Variants in CCDC38 observed in about 807,000 individuals in gnomAD.
The protein encoded by CCDC38 is coiled-coil domain containing 38.
A neutral mutation model predicts 72.8 loss-of-function variants in CCDC38; 69 were observed. The ratio of observed to expected loss-of-function variants is 0.95; its 90% CI spans 0.78 to 1.16. CCDC38 has a LOEUF of 1.16. Among genes scored for constraint, CCDC38 ranks in the 50% most tolerant of loss-of-function variants. CCDC38 has a pLI of 0.00. For missense variants in CCDC38, 626 were observed against 638.9 expected (o/e 0.98, Z 0.22); for synonymous variants, 201 against 213.2 (o/e 0.94, Z 0.50).
intron 10 of CCDC38, chr12:95,885,107 C>G (rs1474251418): frequency 6.6e-6 from 1 of 152,310 alleles, no homozygotes; most frequent in African/African-American, 2.4e-5. Context: ...TCTCCCTGAC[C>G]TCGAGACTAA....
At chr12:95,874,998 C>T (rs774604455) in intron 13 of CCDC38, among the ~76,000 whole-genome samples, 3 of 152,160 alleles carry the variant, frequency 2.0e-5, no homozygotes, top group Non-Finnish European at 2.9e-5. Flanking sequence ...GAGATAAACA[C>T]ATTCCTCACA....
chr12:95,939,170 T>C (rs953208585), intron 1 of CCDC38, among the ~76,000 whole-genome samples: 1 of 152,248 alleles, frequency 6.6e-6, no homozygotes, highest in East Asian at 1.9e-4. Flanking sequence ...TAGTATGTGC[T>C]ATGGGAGTGT....
intron 10 of CCDC38, among the ~76,000 whole-genome samples, chr12:95,886,203 A>C (rs1418859521): frequency 6.6e-6 from 1 of 152,240 alleles, no homozygotes; most frequent in Non-Finnish European, 1.5e-5. Context: ...AAGGTGCAAA[A>C]GCAATTCAAT....
chr12:95,939,474 A>C (rs2080427078), intron 1 of CCDC38, among the ~76,000 whole-genome samples: 1 of 152,204 alleles, frequency 6.6e-6, no homozygotes, highest in African/African-American at 2.4e-5. Flanking sequence ...AGATAATGCT[A>C]TCCCTTCCTT....
At chr12:95,927,880 G>C (rs1304948304) in intron 2 of CCDC38, among the ~76,000 whole-genome samples, 1 of 149,548 alleles carries the variant, frequency 6.7e-6, no homozygotes, top group African/African-American at 2.5e-5. Context: ...ACTCTCTTCT[G>C]GCTTGTAGGG....
chr12:95,910,362 A>G (rs1338964650), intron 4 of CCDC38, among the ~76,000 whole-genome samples: 1 of 152,150 alleles, frequency 6.6e-6, no homozygotes, highest in Non-Finnish European at 1.5e-5. Flanking sequence ...GTAAACAAAG[A>G]GGTGTAAGAA....
chr12:95,913,750 GTAAT>G (rs1413828875), intron 4 of CCDC38, among the ~76,000 whole-genome samples: 1 of 151,908 alleles, frequency 6.6e-6, no homozygotes, highest in Non-Finnish European at 1.5e-5. Flanking sequence ...ATTGGGATGA[GTAAT>G]TATTTAATTT....
chr12:95,922,884 A>G (rs1220375937), intron 2 of CCDC38, among the ~76,000 whole-genome samples: 2 of 152,136 alleles, frequency 1.3e-5, no homozygotes, highest in African/African-American at 2.4e-5. Context: ...GTGTGCGTCA[A>G]CTTGACTGGG....
chr12:95,928,255 T>C (rs1273748087), intron 2 of CCDC38, among the ~76,000 whole-genome samples: 2 of 152,178 alleles, frequency 1.3e-5, no homozygotes, highest in African/African-American at 4.8e-5. Flanking sequence ...TTCTTTTTTC[T>C]CTAAACCTCC....
chr12:95,892,525 C>T (rs1345058537), intron 8 of CCDC38, among the ~76,000 whole-genome samples: 1 of 151,630 alleles, frequency 6.6e-6, no homozygotes, highest in Non-Finnish European at 1.5e-5. Context: ...AATCCTCCCT[C>T]CTTAGCCTCC....
chr12:95,893,666 A>T (rs1028151613), intron 8 of CCDC38, among the ~76,000 whole-genome samples: 1 of 151,790 alleles, frequency 6.6e-6, no homozygotes, highest in Non-Finnish European at 1.5e-5. Flanking sequence ...TTTTTTGTAG[A>T]GAAGGGGATT....
chr12:95,890,130 T>G (rs11836265), intron 9 of CCDC38, among the ~76,000 whole-genome samples: 35,127 of 152,032 alleles, frequency 0.23, 4,528 homozygotes, highest in East Asian at 0.43. Flanking sequence ...CAGGCTTGTC[T>G]TGAATTCCTG....
intron 10 of CCDC38, among the ~76,000 whole-genome samples, chr12:95,883,606 C>G (rs1015237720): frequency 6.6e-6 from 1 of 152,212 alleles, no homozygotes; most frequent in South Asian, 2.1e-4. Context: ...CCTCACCTCT[C>G]CTCTGGGTTG....
chr12:95,928,486 T>G (rs201635170), intron 2 of CCDC38, among the ~76,000 whole-genome samples: 24 of 150,856 alleles, frequency 1.6e-4, no homozygotes, highest in East Asian at 4.0e-4. Flanking sequence ...TGGTTTGAAT[T>G]TCCTCCCGTA....
chr12:95,879,561 A>C lies in CCDC38; in HGVS notation c.1142+83T>G. 44 of 927,980 alleles carry C rather than the reference A, an allele frequency of 4.7e-5. No homozygotes were observed. The highest frequency in any genetic ancestry group is 5.4e-5 in the Non-Finnish European group (33 of 610,972). The allele number at this position is 927,980 out of a possible 1,614,324, so 57.5% of individuals were successfully genotyped here. On this transcript the variant is annotated intron_variant, in intron 12 of 15. Coordinates refer to ENST00000344280, the MANE Select transcript of CCDC38 (RefSeq NM_182496.3). This position sits in a 1 kb window ranked among gnomAD's most constrained non-coding sequence, Gnocchi z 5.5. Reference sequence around the variant, plus strand: ...CCTACATTCACAGAGACCACGAGGAAGAGCCACATGTGAGTGAGTTGGACC... The same window carrying C: ...CCTACATTCACAGAGACCACGAGGACGAGCCACATGTGAGTGAGTTGGACC...
At chr12:95,869,846 CA>C (rs2079561748) in intron 14 of CCDC38, 3 of 312,512 alleles carry the variant, frequency 9.6e-6, no homozygotes, top group Non-Finnish European at 1.7e-5. Flanking sequence ...TCCTCAGAGA[CA>C]GAGTCTCAGT....
chr12:95,911,372 G>A (rs2080092635), intron 4 of CCDC38, among the ~76,000 whole-genome samples: 1 of 152,048 alleles, frequency 6.6e-6, no homozygotes, highest in South Asian at 2.1e-4. Flanking sequence ...ATAAAAATTG[G>A]CAATTCACAC....
chr12:95,909,512 A>G (rs1244861724), intron 4 of CCDC38, among the ~76,000 whole-genome samples: 1 of 152,218 alleles, frequency 6.6e-6, no homozygotes, highest in Non-Finnish European at 1.5e-5. Context: ...AGTTATTACA[A>G]AAAAATCTAA....
chr12:95,909,113 G>T (rs2080062967), intron 4 of CCDC38, among the ~76,000 whole-genome samples: 1 of 152,052 alleles, frequency 6.6e-6, no homozygotes, highest in Admixed American at 6.5e-5. Context: ...GAAACAAAAA[G>T]TTGGTTCTTT....
Sources: gnomAD v4.1 joint callset for allele counts (sites outside exome capture counted in the v4.1 genomes callset) on GRCh38, gnomAD v4.1.1 for gene constraint, Gnocchi (gnomAD v3.1) non-coding constraint, MANE v1.5 for transcripts, NCBI Gene and HGNC (gene_info 2026-07-23, HGNC 2026-07-21) for gene names.